The following VWC2L variants were observed in gnomAD, a reference collection of about 807,000 sequenced individuals.
The protein encoded by VWC2L is von Willebrand factor C domain containing 2 like, also known as von Willebrand factor C domain-containing protein 2-like.
VWC2L carries 10 observed loss-of-function variants against 21.6 expected under a neutral mutation model. That is an observed-to-expected ratio of 0.46 (90% CI 0.29 to 0.78). VWC2L has a LOEUF of 0.78. Ranked by LOEUF, VWC2L falls within the 30% of genes least tolerant of loss-of-function variation. The pLI is 0.10. For missense variants in VWC2L, 209 were observed against 277.1 expected, an observed-to-expected ratio of 0.75 and a Z score of 1.74; for synonymous variants, 96 against 94.3, an observed-to-expected ratio of 1.02 and a Z score of -0.10.
chr2:214,424,671 C>T (rs1702496033), intron 2 of VWC2L, among the ~76,000 whole-genome samples: 1 of 151,928 alleles, frequency 6.6e-6, no homozygotes, highest in African/African-American at 2.4e-5. Flanking sequence ...TTTTTTTTCT[C>T]AGAACACTTA....
intron 3 of VWC2L, chr2:214,525,458 G>A (rs1275898162): frequency 1.3e-5 from 2 of 152,138 alleles, no homozygotes; most frequent in African/African-American, 4.8e-5. Context: ...AATAAGTTTG[G>A]GAAATGCTGG....
intron 3 of VWC2L, among the ~76,000 whole-genome samples, chr2:214,533,799 T>C (rs919028149): frequency 6.6e-6 from 1 of 152,130 alleles, no homozygotes; most frequent in Admixed American, 6.6e-5. Flanking sequence ...GAATTATCTG[T>C]ATACAGCTTC....
intron 2 of VWC2L, among the ~76,000 whole-genome samples, chr2:214,428,107 C>T (rs1370981651): frequency 3.3e-5 from 5 of 152,206 alleles, no homozygotes; most frequent in South Asian, 4.1e-4. Context: ...TGCAAATGGA[C>T]GAAGAGTGGG....
chr2:214,509,123 C>A (rs921612899), intron 3 of VWC2L, among the ~76,000 whole-genome samples: 2 of 152,166 alleles, frequency 1.3e-5, no homozygotes, highest in African/African-American at 4.8e-5. Context: ...AGGCTTGAGC[C>A]TCTTTCCCTT....
At chr2:214,487,375 G>A (rs1365471869) in intron 3 of VWC2L, among the ~76,000 whole-genome samples, 1 of 152,188 alleles carries the variant, frequency 6.6e-6, no homozygotes, top group Non-Finnish European at 1.5e-5. Flanking sequence ...GCTCTGGTCA[G>A]TTGCTGGGGC....
chr2:214,498,833 A>G (rs1688849548), intron 3 of VWC2L, among the ~76,000 whole-genome samples: 1 of 150,916 alleles, frequency 6.6e-6, no homozygotes, highest in African/African-American at 2.4e-5. Flanking sequence ...TATGTGCAAA[A>G]AAACCCACGG....
chr2:214,534,659 C>T (rs1323303042), intron 3 of VWC2L, among the ~76,000 whole-genome samples: 1 of 152,064 alleles, frequency 6.6e-6, no homozygotes, highest in African/African-American at 2.4e-5. Context: ...GAAAAACTGA[C>T]TCAAATACCT....
At chr2:214,505,998 A>T (rs35775374) in intron 3 of VWC2L, among the ~76,000 whole-genome samples, 2 of 151,960 alleles carry the variant, frequency 1.3e-5, no homozygotes, top group Non-Finnish European at 2.9e-5. Context: ...TTTCATACCC[A>T]GTAATCTGGC....
intron 3 of VWC2L, among the ~76,000 whole-genome samples, chr2:214,493,035 C>T (rs984937622): frequency 2.0e-5 from 3 of 152,122 alleles, no homozygotes; most frequent in African/African-American, 7.2e-5. Context: ...TAATTGAGAA[C>T]AATATTAAAC....
In VWC2L at chr2:214,575,978, A is replaced by G. The variant is rs1249681791; in HGVS notation, c.*158A>G. 7 of 754,548 alleles carry G rather than the reference A, an allele frequency of 9.3e-6. No homozygotes were observed. Among genetic ancestry groups the G allele is most frequent in the Admixed American group, 3.0e-5 (1 of 33,588 alleles). 46.7% of individuals were successfully genotyped at this position (754,548 alleles called of 1,614,324 possible). A position where few individuals can be genotyped will look rare whatever the true frequency, so the allele number is the denominator to read the frequency against. ...TGACAAAAGTGAATATTTTCCTAAG[A>G]GGAAATTTCTTTCTCTCTTGCTATA... On this transcript the variant is annotated 3_prime_UTR_variant, in exon 4 of 4. Transcript: ENST00000312504.
At position 214,576,043 on chromosome 2, in the gene VWC2L, T is replaced by C; in HGVS notation, c.*223T>C. The stretch of plus-strand genomic sequence containing the variant: ...TATATAGCTATCTAAATCGCTTTTG[T>C]ATTTACCAATGCTTGATGGTGACTT... On this transcript the variant is annotated 3_prime_UTR_variant, in exon 4 of 4. Coordinates refer to ENST00000312504, the MANE Select transcript of VWC2L (RefSeq NM_001080500.4). 6.7e-6 allele frequency: 2 copies of C among 299,436 alleles called. No homozygotes were observed. Among genetic ancestry groups the C allele is most frequent in the Non-Finnish European group, 1.2e-5 (2 of 166,190 alleles). The allele number at this position is 299,436 out of a possible 1,614,324, so 18.5% of individuals were successfully genotyped here. A position where few individuals can be genotyped will look rare whatever the true frequency, so the allele number is the denominator to read the frequency against.
At chr2:214,458,623 T>A (rs754176520) in intron 3 of VWC2L, among the ~76,000 whole-genome samples, 8 of 152,138 alleles carry the variant, frequency 5.3e-5, no homozygotes, top group Non-Finnish European at 1.2e-4. Flanking sequence ...GGTTTTGGTA[T>A]GTTGTGTTTT....
At chr2:214,564,808 G>A (rs1163584802) in intron 3 of VWC2L, among the ~76,000 whole-genome samples, 1 of 152,100 alleles carries the variant, frequency 6.6e-6, no homozygotes, top group Non-Finnish European at 1.5e-5. Flanking sequence ...TATATGTCAT[G>A]ATGCCCTATT....
chr2:214,413,133 T>A (rs186972546), intron 1 of VWC2L, among the ~76,000 whole-genome samples: 190 of 152,200 alleles, frequency 1.2e-3, no homozygotes, highest in Non-Finnish European at 1.8e-3. Flanking sequence ...TAATTACAGT[T>A]TTAAGCAACT....
intron 3 of VWC2L, among the ~76,000 whole-genome samples, chr2:214,448,475 G>C (rs6435827): frequency 0.087 from 13,177 of 152,176 alleles, 1,595 homozygotes; most frequent in African/African-American, 0.27. Context: ...ATTAAGTTTG[G>C]TTTTGTTTCC....
chr2:214,437,571 T>C (rs1702695558), intron 3 of VWC2L, among the ~76,000 whole-genome samples: 1 of 152,148 alleles, frequency 6.6e-6, no homozygotes, highest in Non-Finnish European at 1.5e-5. Context: ...TGTTCTGTCA[T>C]TAATATCTGC....
chr2:214,560,429 C>T (rs1689948570), intron 3 of VWC2L, among the ~76,000 whole-genome samples: 2 of 152,092 alleles, frequency 1.3e-5, no homozygotes, highest in African/African-American at 4.8e-5. Flanking sequence ...TACTCCATGT[C>T]CCATGTCCCT....
intron 1 of VWC2L, 97 bp from the exon 2 acceptor site, chr2:214,414,017 T>C (rs1471310829): frequency 3.0e-6 from 2 of 675,680 alleles, no homozygotes; most frequent in Non-Finnish European, 4.6e-6. Context: ...ACTTAGTATC[T>C]TCAAATTGAT....
At chr2:214,440,532 G>A (rs1352177370) in intron 3 of VWC2L, among the ~76,000 whole-genome samples, 1 of 151,884 alleles carries the variant, frequency 6.6e-6, no homozygotes, top group Non-Finnish European at 1.5e-5. Context: ...CACAGCATCT[G>A]TTTAAAGAAA....
Sources: gnomAD v4.1 joint callset for allele counts (sites outside exome capture counted in the v4.1 genomes callset) on GRCh38, gnomAD v4.1.1 for gene constraint, MANE v1.5 for transcripts, NCBI Gene and HGNC (gene_info 2026-07-23, HGNC 2026-07-21) for gene names.